ARHGEF10: variants seen among roughly 807,000 people sequenced by gnomAD.
ARHGEF10 encodes Rho guanine nucleotide exchange factor 10.
ARHGEF10 carries 140 observed loss-of-function variants against 147.4 expected under a neutral mutation model. The observed-to-expected ratio is 0.95, with a 90% confidence interval of 0.83 to 1.09. The LOEUF (loss-of-function observed/expected upper bound fraction) is 1.09. Among genes scored for constraint, ARHGEF10 ranks in the 50% least tolerant of loss-of-function variants. The pLI, the probability that ARHGEF10 is intolerant of heterozygous loss-of-function variation, is 0.00. For missense variants in ARHGEF10, 2,222 were observed against 1,752.7 expected (o/e 1.27, Z -4.78); for synonymous variants, 902 against 695.8 (o/e 1.30, Z -4.67).
intron 12 of ARHGEF10, among the ~76,000 whole-genome samples, 160 bp from the exon 13 acceptor site, chr8:1,894,233 C>G (rs1321368244): frequency 2.0e-5 from 3 of 151,758 alleles, no homozygotes; most frequent in African/African-American, 7.3e-5. Flanking sequence ...GCCTATAATC[C>G]CAGTTACTTG....
chr8:1,833,333 C>G lies in ARHGEF10; in HGVS notation c.-48+9220C>G, dbSNP rs1803371285. Among the ~76,000 whole-genome samples the G allele has an allele frequency of 3.1e-5, 3 of 97,488 alleles. 1 individual carries two copies. The highest frequency in any genetic ancestry group is 3.1e-4 in the Admixed American group (3 of 9,756). The allele number at this position is 97,488 out of a possible 152,430, so 64.0% of individuals were successfully genotyped here. A position where few individuals can be genotyped will look rare whatever the true frequency, so the allele number is the denominator to read the frequency against. ...AGACAGAAGCAGAGGGAGACAGAGA[C>G]AGAGGCAGAGACAGAGGCAGAGAGA... On this transcript the variant is annotated intron_variant, in intron 1 of 28. Coordinates refer to ENST00000349830, the MANE Select transcript of ARHGEF10 (RefSeq NM_014629.4).
chr8:1,867,523 T>G (rs73671009), intron 6 of ARHGEF10, among the ~76,000 whole-genome samples: 12,721 of 152,182 alleles, frequency 0.084, 1,212 homozygotes, highest in African/African-American at 0.24. Context: ...CCCGTCTCTG[T>G]GTGGATTAAA....
intron 6 of ARHGEF10, among the ~76,000 whole-genome samples, 184 bp from the exon 7 acceptor site, chr8:1,869,010 T>C (rs1806855493): frequency 1.3e-5 from 2 of 152,104 alleles, no homozygotes; most frequent in Admixed American, 6.5e-5. Context: ...TTAGCTACCT[T>C]ACAGCCCTCA....
At chr8:1,874,376 T>C (rs780060716) in intron 7 of ARHGEF10, among the ~76,000 whole-genome samples, 1 of 152,198 alleles carries the variant, frequency 6.6e-6, no homozygotes, top group Non-Finnish European at 1.5e-5. Context: ...CTGGATTGAT[T>C]GATTAGACTC....
At chr8:1,843,685 C>T (rs1462334515) in intron 2 of ARHGEF10, among the ~76,000 whole-genome samples, 1 of 152,214 alleles carries the variant, frequency 6.6e-6, no homozygotes, top group Non-Finnish European at 1.5e-5. Context: ...GACCTATGGT[C>T]AGCATCTGAA....
At chr8:1,950,896 T>C in intron 27 of ARHGEF10, among the ~76,000 whole-genome samples, 1 of 152,116 alleles carries the variant, frequency 6.6e-6, no homozygotes, top group East Asian at 1.9e-4. Context: ...TTTTATTAAA[T>C]GCAAGCTTTG....
intron 4 of ARHGEF10, among the ~76,000 whole-genome samples, chr8:1,863,171 G>C (rs1005127119): frequency 6.6e-6 from 1 of 152,174 alleles, no homozygotes; most frequent in Admixed American, 6.5e-5. Context: ...TCCTGGCCCT[G>C]TGTCTGCCCT....
At chr8:1,916,615 T>A (rs1365823994) in intron 18 of ARHGEF10, among the ~76,000 whole-genome samples, 3 of 152,176 alleles carry the variant, frequency 2.0e-5, no homozygotes, top group Non-Finnish European at 4.4e-5. Context: ...CACATAGGAT[T>A]TATTTTGCCT....
chr8:1,880,210 G>A (rs1256447900), intron 9 of ARHGEF10, 46 bp downstream of exon 9: 4 of 1,439,512 alleles, frequency 2.8e-6, no homozygotes, highest in Admixed American at 3.3e-5. Flanking sequence ...CAGCCGGGCA[G>A]TAAAGAAAAA....
At chr8:1,867,813 G>A (rs1352256083) in intron 6 of ARHGEF10, among the ~76,000 whole-genome samples, 2 of 152,192 alleles carry the variant, frequency 1.3e-5, no homozygotes, top group Non-Finnish European at 2.9e-5. Flanking sequence ...TTACAAGGTA[G>A]AACCATCTTA....
At chr8:1,843,500 G>A (rs1453315971) in intron 2 of ARHGEF10, 64 bp downstream of exon 2, 6 of 1,256,134 alleles carry the variant, frequency 4.8e-6, no homozygotes, top group African/African-American at 2.9e-5. Flanking sequence ...CAAGGACGGG[G>A]TACTTCTGGA....
intron 7 of ARHGEF10, chr8:1,869,715 C>A: frequency 3.9e-6 from 1 of 254,702 alleles, no homozygotes; most frequent in Non-Finnish European, 7.8e-6. Flanking sequence ...ATACCTAGGC[C>A]GATGCAATGG....
In ARHGEF10 at chr8:1,871,449, G is replaced by GAAT. The variant is rs1734858918; in HGVS notation, c.679+2208_679+2210dup. Among the ~76,000 whole-genome samples, 3 of 152,166 alleles carry GAAT rather than the reference G, an allele frequency of 2.0e-5. No individual in the cohort carries two copies. The South Asian group carries it at 6.2e-4, about 32-fold the overall frequency. On this transcript the variant is annotated intron_variant, in intron 7 of 28. Transcript: ENST00000349830. The stretch of plus-strand genomic sequence containing the variant: ...AATGGAAATGAAAATATTTTGTCTT[G>GAAT]AATAATAATAAAAACATTACATAAA...
At chr8:1,950,075 C>T (rs773025862) in intron 27 of ARHGEF10, among the ~76,000 whole-genome samples, 5 of 152,140 alleles carry the variant, frequency 3.3e-5, no homozygotes, top group African/African-American at 9.7e-5. Flanking sequence ...ATCCAGCAGC[C>T]GCTCAAGTGC....
intron 21 of ARHGEF10, 51 bp downstream of exon 21, chr8:1,923,925 T>G: frequency 1.3e-6 from 2 of 1,551,386 alleles, no homozygotes; most frequent in Non-Finnish European, 1.8e-6. Context: ...TGATGATGAA[T>G]TCCTGCCCAC....
intron 25 of ARHGEF10, among the ~76,000 whole-genome samples, chr8:1,931,532 A>G (rs1813144531): frequency 1.3e-5 from 2 of 151,770 alleles, no homozygotes; most frequent in Non-Finnish European, 2.9e-5. Context: ...CTTTCTCACC[A>G]AGAGCTGTCC....
rs1417268779 is a variant in ARHGEF10, at chr8:1,937,899, G to C, written c.3222+3957G>C. Among the ~76,000 whole-genome samples, 1 of 151,696 alleles carries C rather than the reference G, an allele frequency of 6.6e-6. No homozygotes were observed. Among genetic ancestry groups the C allele is most frequent in the Non-Finnish European group, 1.5e-5 (1 of 68,038 alleles). ...GAGGCTCTGAGGCTTCGGTGTTCCTGGAGTGACTGTGCCAGTGGAGGAGTC... is the reference window on the plus strand; with the variant it reads ...GAGGCTCTGAGGCTTCGGTGTTCCTCGAGTGACTGTGCCAGTGGAGGAGTC... On this transcript the variant is annotated intron_variant, in intron 26 of 28. Coordinates refer to ENST00000349830, the MANE Select transcript of ARHGEF10 (RefSeq NM_014629.4). This position sits in a 1 kb window ranked among gnomAD's most constrained non-coding sequence, Gnocchi z 4.9.
intron 11 of ARHGEF10, among the ~76,000 whole-genome samples, chr8:1,893,092 CAA>C (rs34033686): frequency 1.3e-3 from 98 of 76,824 alleles, no homozygotes; most frequent in African/African-American, 3.6e-3. Context: ...AAGATCTTTG[CAA>C]AAAAAAAAAA....
intron 23 of ARHGEF10, chr8:1,927,063 C>T (rs1812747606): frequency 6.0e-6 from 1 of 167,112 alleles, no homozygotes; most frequent in African/African-American, 2.4e-5. Context: ...TGCAGCACGC[C>T]ACTGCCTCTC....
Sources: gnomAD v4.1 joint callset for allele counts (sites outside exome capture counted in the v4.1 genomes callset) on GRCh38, gnomAD v4.1.1 for gene constraint, Gnocchi (gnomAD v3.1) non-coding constraint, MANE v1.5 for transcripts, NCBI Gene and HGNC (gene_info 2026-07-23, HGNC 2026-07-21) for gene names.